Variants in TP73 observed in about 807,000 individuals in gnomAD.
TP73 encodes tumor protein p73.
A neutral mutation model predicts 62.5 loss-of-function variants in TP73; 25 were observed. The ratio of observed to expected loss-of-function variants is 0.40; its 90% confidence interval spans 0.29 to 0.56. The LOEUF (loss-of-function observed/expected upper bound fraction) is 0.56, where lower values mean the gene tolerates loss of function less well. TP73 is among the 20% of genes least tolerant of loss of function. The probability of loss-of-function intolerance (pLI) is 0.46; values close to 1 mark genes in which losing one functional copy is unlikely to be tolerated. For missense variants in TP73, 754 were observed against 913.3 expected (o/e 0.83, Z 2.25); for synonymous variants, 423 against 377.5 (o/e 1.12, Z -1.40).
chr1:3,733,352 C>T lies in TP73; in HGVS notation c.*273C>T. On this transcript the variant is annotated 3_prime_UTR_variant, in exon 14 of 14. Coordinates refer to ENST00000378295, the MANE Select transcript of TP73 (RefSeq NM_005427.4). ...GGGGGCTGGCCCACTCTCAGCCCTGCCACTGCCCCGGCGTGCTCCATGGCA... is the reference window on the plus strand; with the variant it reads ...GGGGGCTGGCCCACTCTCAGCCCTGTCACTGCCCCGGCGTGCTCCATGGCA... 1 of 533,920 alleles carries T rather than the reference C, an allele frequency of 1.9e-6. No homozygotes were observed. The highest frequency in any genetic ancestry group is 3.1e-5 in the East Asian group (1 of 32,484). The allele number at this position is 533,920 out of a possible 1,614,324, so 33.1% of individuals were successfully genotyped here.
At position 3,732,734 on chromosome 1, in the gene TP73, C is replaced by G; in HGVS notation, c.1579-13C>G. On this transcript the variant is annotated splice_polypyrimidine_tract_variant and intron_variant, in intron 13 of 13. Transcript: ENST00000378295. ...CCACTGCCCCCTGCCCCTAATGCGC[C>G]GGCCTCTCGCAGGACCTGGGGGCCC... 1 of 1,553,246 alleles carries G rather than the reference C, an allele frequency of 6.4e-7. No homozygotes were observed. The highest frequency in any genetic ancestry group is 2.3e-5 in the East Asian group (1 of 44,264).
At chr1:3,676,719 C>A (rs1645381100) in intron 1 of TP73, among the ~76,000 whole-genome samples, 1 of 151,976 alleles carries the variant, frequency 6.6e-6, no homozygotes, top group Admixed American at 6.6e-5. Flanking sequence ...AGCCACTGGG[C>A]CTCCTGGCCT....
chr1:3,734,142 C>T lies in TP73; in HGVS notation c.*1063C>T, dbSNP rs890630133. 6.6e-6 allele frequency: 1 copy of T among 152,264 alleles called. No homozygotes were observed. Among genetic ancestry groups the T allele is most frequent in the Non-Finnish European group, 1.5e-5 (1 of 68,106 alleles). 9.4% of individuals were successfully genotyped at this position (152,264 alleles called of 1,614,324 possible). A position where few individuals can be genotyped will look rare whatever the true frequency, so the allele number is the denominator to read the frequency against. On this transcript the variant is annotated 3_prime_UTR_variant, in exon 14 of 14. Coordinates refer to ENST00000378295, the MANE Select transcript of TP73 (RefSeq NM_005427.4). The surrounding 1 kb of genome is among the most constrained non-coding windows in gnomAD (Gnocchi z 4.4). ...GGGAGCAGCTCCTCCCTTGCCACGGCCACCTTCTCTAGCACTGCAAGGTCC... is the reference window on the plus strand; with the variant it reads ...GGGAGCAGCTCCTCCCTTGCCACGGTCACCTTCTCTAGCACTGCAAGGTCC...
chr1:3,656,936 C>T (rs2101996939), intron 1 of TP73, among the ~76,000 whole-genome samples: 1 of 152,378 alleles, frequency 6.6e-6, no homozygotes, highest in African/African-American at 2.4e-5. Flanking sequence ...CTGATATTTT[C>T]ATGGTGTCCG....
chr1:3,687,097 T>C (rs1355646941), intron 3 of TP73, among the ~76,000 whole-genome samples: 1 of 152,222 alleles, frequency 6.6e-6, no homozygotes, highest in Non-Finnish European at 1.5e-5. Flanking sequence ...CTGCCTGAGC[T>C]GTCCCGTGCC....
chr1:3,729,554 C>A, intron 10 of TP73, 106 bp downstream of exon 10: 1 of 1,579,244 alleles, frequency 6.3e-7, no homozygotes, highest in South Asian at 1.1e-5. Flanking sequence ...CATCATCTGC[C>A]AGGGACAGGC....
At chr1:3,713,580 G>A (rs1053532234) in intron 4 of TP73, among the ~76,000 whole-genome samples, 1 of 152,154 alleles carries the variant, frequency 6.6e-6, no homozygotes, top group Non-Finnish European at 1.5e-5. Context: ...TCACTTCTGG[G>A]ATTTTCTGAG....
At chr1:3,685,911 G>A (rs552191828) in intron 3 of TP73, among the ~76,000 whole-genome samples, 7 of 152,348 alleles carry the variant, frequency 4.6e-5, no homozygotes, top group East Asian at 3.9e-4. Context: ...GCCCCACCAC[G>A]AGGCTGGTGA....
At position 3,707,594 on chromosome 1, in the gene TP73, C is replaced by T. The variant is rs777997255; in HGVS notation, c.232C>T (p.Arg78Cys). The T allele has an allele frequency of 7.4e-6, 12 of 1,612,342 alleles. No individual in the cohort carries two copies. The highest frequency in any genetic ancestry group is 1.6e-4 in the Middle Eastern group (1 of 6,082). ...LSSTMDQMSS[R>C]AASASPYTPE... ...CAGCACCATGGACCAGATGAGCAGCCGCGCGGCCTCGGCCAGCCCCTACAC... is the reference window on the plus strand; with the variant it reads ...CAGCACCATGGACCAGATGAGCAGCTGCGCGGCCTCGGCCAGCCCCTACAC... Residue 78 changes from arginine to cysteine, a missense_variant, in exon 4 of 14, where the codon CGC (arginine) becomes TGC (cysteine). Arg to Cys is a radical substitution (Grantham distance 180, BLOSUM62 -3). This residue lies in a region of TP73 where 235 missense variants were observed against 251.4 expected (regional missense o/e 0.93). Transcript: ENST00000378295.
At chr1:3,691,148 C>A (rs981457948) in intron 3 of TP73, among the ~76,000 whole-genome samples, 1 of 152,170 alleles carries the variant, frequency 6.6e-6, no homozygotes, top group African/African-American at 2.4e-5. Flanking sequence ...CGGGCTCCAA[C>A]AGCCTGTGCC....
At chr1:3,726,342 T>A (rs1292412560) in intron 6 of TP73, among the ~76,000 whole-genome samples, 9 of 96,434 alleles carry the variant, frequency 9.3e-5, no homozygotes, top group African/African-American at 3.1e-4. Flanking sequence ...AATGGATGGG[T>A]TGATATTGAA....
At chr1:3,723,514 T>C in intron 6 of TP73, 45 bp downstream of exon 6, 16 of 721,556 alleles carry the variant, frequency 2.2e-5, no homozygotes, top group East Asian at 2.9e-5. Context: ...CAGTCAGCTG[T>C]ACGGGTCGGG....
rs1410219155 is a variant in TP73, at chr1:3,716,572, G to GTCA, written c.430-5449_430-5448insTCA. 7.2e-5 allele frequency among the ~76,000 whole-genome samples: 11 copies of GTCA among 152,344 alleles called. No homozygotes were observed. The East Asian group carries it at 1.9e-3, about 27-fold the overall frequency. ...GACCAGCCCTGTGACATCCTGCCAG[G>GTCA]CCTCCCTGACATCTGTCAGAGCCCA... On this transcript the variant is annotated intron_variant, in intron 4 of 13. Coordinates refer to ENST00000378295, the MANE Select transcript of TP73 (RefSeq NM_005427.4).
In TP73 at chr1:3,663,437, T is replaced by A. The variant is rs1048902781; in HGVS notation, c.-34+10796T>A. Among the ~76,000 whole-genome samples the A allele has an allele frequency of 3.3e-5, 5 of 152,282 alleles. No individual in the cohort carries two copies. The highest frequency in any genetic ancestry group is 6.8e-3 in the Middle Eastern group (2 of 294). On this transcript the variant is annotated intron_variant, in intron 1 of 13. Transcript: ENST00000378295. The surrounding 1 kb of genome is among the most constrained non-coding windows in gnomAD (Gnocchi z 4.7). ...AGCGTGATGAAAGGATACAGGCGGC[T>A]GGGCGTGGTGGCTCACGCCTGTAAT...
chr1:3,694,718 CATG>C (rs1638448197), intron 3 of TP73, among the ~76,000 whole-genome samples: 1 of 69,892 alleles, frequency 1.4e-5, no homozygotes, highest in Admixed American at 1.3e-4. Context: ...CAATCCCAGC[CATG>C]CAGCCTCAGC....
At chr1:3,703,896 C>T (rs12735439) in intron 3 of TP73, among the ~76,000 whole-genome samples, 5 of 152,124 alleles carry the variant, frequency 3.3e-5, no homozygotes, top group African/African-American at 7.2e-5. Flanking sequence ...AGGCCATCCC[C>T]GGGCCCAAAA....
chr1:3,662,976 C>T lies in TP73; in HGVS notation c.-34+10335C>T, dbSNP rs1645030249. ...GGTCCCATGTGTTGCCCTTTGGGCA[C>T]TGGCATGAGTAATCTGAGGGCGGCG... is the stretch of plus-strand genomic sequence containing the variant. On this transcript the variant is annotated intron_variant, in intron 1 of 13. Coordinates refer to ENST00000378295, the MANE Select transcript of TP73 (RefSeq NM_005427.4). The surrounding 1 kb of genome is among the most constrained non-coding windows in gnomAD (Gnocchi z 4.4). Among the ~76,000 whole-genome samples the T allele has an allele frequency of 6.6e-6, 1 of 152,276 alleles. No individual in the cohort carries two copies. The highest frequency in any genetic ancestry group is 2.4e-5 in the African/African-American group (1 of 41,482).
intron 1 of TP73, among the ~76,000 whole-genome samples, chr1:3,680,819 C>G (rs1645501679): frequency 6.6e-6 from 1 of 152,264 alleles, no homozygotes; most frequent in African/African-American, 2.4e-5. Flanking sequence ...TTTAGCCCAG[C>G]CCAGGATCGG....
intron 3 of TP73, among the ~76,000 whole-genome samples, chr1:3,684,241 CAGGG>C (rs1645594137): frequency 6.6e-6 from 1 of 152,244 alleles, no homozygotes; most frequent in Non-Finnish European, 1.5e-5. Flanking sequence ...CTCCGCCGCC[CAGGG>C]ATTCGTAGGT....
Sources: allele counts gnomAD v4.1 joint callset (sites outside exome capture counted in the v4.1 genomes callset), GRCh38; gene constraint gnomAD v4.1.1; regional missense constraint gnomAD v4.1.1; non-coding constraint Gnocchi (gnomAD v3.1); transcripts MANE v1.5; gene names NCBI Gene and HGNC (gene_info 2026-07-23, HGNC 2026-07-21).